Variants in PXK observed in about 807,000 individuals in gnomAD.
The protein encoded by PXK is PX domain-containing protein kinase-like protein.
PXK carries 35 observed loss-of-function variants against 84.7 expected under a neutral mutation model. That is an observed-to-expected ratio of 0.41 (90% CI 0.32 to 0.55). PXK has a LOEUF of 0.55. PXK is among the 20% of genes least tolerant of loss of function. The pLI is 0.21. For synonymous variants in PXK, 253 were observed against 260.8 expected (o/e 0.97, Z 0.29); for missense variants, 634 against 699.7 (o/e 0.91, Z 1.06).
At chr3:58,391,094 T>C (rs1156438530) in intron 5 of PXK, 53 bp from the exon 6 acceptor site, 3 of 1,320,424 alleles carry the variant, frequency 2.3e-6, no homozygotes, top group East Asian at 2.3e-5. Context: ...GTGAAACATA[T>C]CAGTTGTTGC....
chr3:58,422,605 C>A, intron 17 of PXK: 1 of 985,410 alleles, frequency 1.0e-6, no homozygotes, highest in Non-Finnish European at 1.2e-6. Flanking sequence ...CTGAACCCCA[C>A]CCTCAACTCC....
chr3:58,392,620 G>A (rs1424472255), intron 7 of PXK, among the ~76,000 whole-genome samples: 1 of 151,614 alleles, frequency 6.6e-6, no homozygotes, highest in African/African-American at 2.4e-5. Context: ...CTTAGAGCTT[G>A]ATTGGTTGTG....
chr3:58,402,514 C>T (rs2058742838), intron 12 of PXK, among the ~76,000 whole-genome samples: 1 of 151,330 alleles, frequency 6.6e-6, no homozygotes, highest in African/African-American at 2.4e-5. Context: ...ACTGCAAGCT[C>T]CGCCTCCCGG....
intron 17 of PXK, chr3:58,423,450 T>C (rs944672660): frequency 6.5e-7 from 1 of 1,528,784 alleles, no homozygotes; most frequent in Non-Finnish European, 8.8e-7. Context: ...TGTGTGATTC[T>C]TTAATTTCAG....
In PXK at chr3:58,333,958, C is replaced by A. The variant is rs745441070; in HGVS notation, c.102+868C>A. ...GAACCAGCAAGAAACCTGGAGCTATCAGCTAGTGGGACTTTTTTGGAAAAG... is the reference window on the plus strand; with the variant it reads ...GAACCAGCAAGAAACCTGGAGCTATAAGCTAGTGGGACTTTTTTGGAAAAG... On this transcript the variant is annotated intron_variant, in intron 1 of 17. Transcript: ENST00000356151. The surrounding 1 kb of genome is among the most constrained non-coding windows in gnomAD (Gnocchi z 5.4). 9.2e-5 allele frequency among the ~76,000 whole-genome samples: 14 copies of A among 151,576 alleles called. No homozygotes were observed. Among genetic ancestry groups the A allele is most frequent in the Non-Finnish European group, 1.8e-4 (12 of 67,966 alleles).
intron 3 of PXK, 48 bp from the exon 4 acceptor site, chr3:58,382,463 ATTC>A (rs770349644): frequency 2.8e-6 from 4 of 1,404,750 alleles, no homozygotes; most frequent in East Asian, 2.5e-5. Context: ...TTTTGTGTTG[ATTC>A]TTATTTGTGG....
chr3:58,343,358 C>T (rs1391727350), intron 1 of PXK, among the ~76,000 whole-genome samples: 1 of 152,228 alleles, frequency 6.6e-6, no homozygotes, highest in African/African-American at 2.4e-5. Flanking sequence ...TCCGTGAGAG[C>T]ACAGGGAATG....
intron 1 of PXK, among the ~76,000 whole-genome samples, chr3:58,358,991 C>A (rs991117438): frequency 2.6e-5 from 4 of 152,026 alleles, no homozygotes; most frequent in Non-Finnish European, 5.9e-5. Context: ...AATGCAGTAC[C>A]TTTTTCGTCA....
chr3:58,355,303 C>T (rs2098048740), intron 1 of PXK, among the ~76,000 whole-genome samples: 1 of 152,136 alleles, frequency 6.6e-6, no homozygotes, highest in African/African-American at 2.4e-5. Flanking sequence ...GAGGTGGGAA[C>T]ACTGACAGGT....
chr3:58,350,549 G>A (rs1184461452), intron 1 of PXK, among the ~76,000 whole-genome samples: 1 of 152,182 alleles, frequency 6.6e-6, no homozygotes, highest in Non-Finnish European at 1.5e-5. Context: ...TAGAAGGTAG[G>A]AACCGCTGTG....
intron 17 of PXK, among the ~76,000 whole-genome samples, chr3:58,415,624 T>C (rs1458495991): frequency 1.3e-5 from 2 of 152,234 alleles, no homozygotes; most frequent in Admixed American, 1.3e-4. Context: ...GACAACCATA[T>C]AGAAATGTTG....
intron 1 of PXK, among the ~76,000 whole-genome samples, chr3:58,361,362 G>A (rs914434430): frequency 8.1e-4 from 122 of 150,372 alleles, no homozygotes; most frequent in Non-Finnish European, 4.0e-4. Context: ...TTTCTCCAAT[G>A]GTAACATCTT....
Position 58,403,872 on chromosome 3 carries a change from G to A in PXK, c.1192G>A (p.Asp398Asn), listed in dbSNP as rs752794169. The stretch of plus-strand genomic sequence containing the variant: ...TTCTTTTCTTTACAGATTATTCAGC[G>A]ATGTTTTACTAACCACTTCTGAAAA... ...SRLLQMPLFS[D>N]VLLTTSEKPQ... The change falls in exon 13 of 18, where the codon GAT (aspartate) becomes AAT (asparagine). Residue 398 changes from aspartate (D) to asparagine (N), a missense_variant. Asp to Asn is a conservative substitution (Grantham distance 23, BLOSUM62 1). Coordinates refer to ENST00000356151, the MANE Select transcript of PXK (RefSeq NM_017771.5). The A allele has an allele frequency of 2.1e-5, 33 of 1,542,780 alleles. No homozygotes were observed. Among genetic ancestry groups the A allele is most frequent in the African/African-American group, 1.6e-4 (12 of 73,902 alleles).
chr3:58,423,200 C>A (rs778899788), intron 17 of PXK: 19 of 984,398 alleles, frequency 1.9e-5, no homozygotes, highest in Non-Finnish European at 2.3e-5. Context: ...CATGCTTATT[C>A]TCCGTTTTCC....
At position 58,401,914 on chromosome 3, in the gene PXK, A is replaced by T. The variant is rs1476859236; in HGVS notation, c.1182-1948A>T. Among the ~76,000 whole-genome samples, 1 of 151,250 alleles carries T rather than the reference A, an allele frequency of 6.6e-6. No individual in the cohort carries two copies. The highest frequency in any genetic ancestry group is 2.5e-5 in the African/African-American group (1 of 40,580). On this transcript the variant is annotated intron_variant, in intron 12 of 17. Coordinates refer to ENST00000356151, the MANE Select transcript of PXK (RefSeq NM_017771.5). The surrounding 1 kb of genome is among the most constrained non-coding windows in gnomAD (Gnocchi z 4.4). ...AAAAAAATAAAATAAAATAAAAAAT[A>T]AAACAAACTGGGGGCGCAGGATATT...
At chr3:58,404,755 A>G (rs968537572) in intron 13 of PXK, among the ~76,000 whole-genome samples, 17 of 152,220 alleles carry the variant, frequency 1.1e-4, no homozygotes, top group African/African-American at 3.6e-4. Flanking sequence ...TCTATATTCC[A>G]AAAGAACATG....
chr3:58,383,683 T>G lies in PXK; in HGVS notation c.388+983T>G, dbSNP rs1017564904. Among the ~76,000 whole-genome samples, 7 of 152,342 alleles carry G rather than the reference T, an allele frequency of 4.6e-5. No individual in the cohort carries two copies. The East Asian group carries it at 1.2e-3, about 25-fold the overall frequency. On this transcript the variant is annotated intron_variant, in intron 4 of 17. Transcript: ENST00000356151. The surrounding 1 kb of genome is among the most constrained non-coding windows in gnomAD (Gnocchi z 4.0). ...GCCTGATGTCAGCAGAATGAGAAACTAAATACTTAATACATTCTGGTGTCA... is the reference window on the plus strand; with the variant it reads ...GCCTGATGTCAGCAGAATGAGAAACGAAATACTTAATACATTCTGGTGTCA...
chr3:58,359,354 AC>A (rs572509897), intron 1 of PXK, among the ~76,000 whole-genome samples: 133 of 151,860 alleles, frequency 8.8e-4, no homozygotes, highest in Admixed American at 4.2e-3. Context: ...ACATGGTGAA[AC>A]CCCCTCTCTA....
At chr3:58,415,834 C>T (rs1014392606) in intron 17 of PXK, among the ~76,000 whole-genome samples, 1 of 152,184 alleles carries the variant, frequency 6.6e-6, no homozygotes, top group African/African-American at 2.4e-5. Context: ...TTCAGGAAAA[C>T]AGAAGCTACA....
Sources: allele counts gnomAD v4.1 joint callset (sites outside exome capture counted in the v4.1 genomes callset), GRCh38; gene constraint gnomAD v4.1.1; non-coding constraint Gnocchi (gnomAD v3.1); transcripts MANE v1.5; gene names NCBI Gene and HGNC (gene_info 2026-07-23, HGNC 2026-07-21).